CACNA1G: variants seen among roughly 807,000 people sequenced by gnomAD.
The protein encoded by CACNA1G is calcium voltage-gated channel subunit alpha1 G.
Under a neutral mutation model 219.4 loss-of-function variants are expected in CACNA1G, and 67 were observed. That is an observed-to-expected ratio of 0.31 (90% CI 0.25 to 0.37). The LOEUF is 0.37. Ranked by LOEUF, CACNA1G falls within the 10% of genes least tolerant of loss-of-function variation. The pLI is 1.00. For synonymous variants in CACNA1G, 1,296 were observed against 1,345.3 expected, an observed-to-expected ratio of 0.96 and a Z score of 0.80; for missense variants, 2,380 against 3,231.4, an observed-to-expected ratio of 0.74 and a Z score of 6.39.
In CACNA1G at chr17:50,575,694, G is replaced by A. The variant is rs1365196916; in HGVS notation, c.1292G>A (p.Ser431Asn). The A allele has an allele frequency of 6.8e-6, 11 of 1,608,780 alleles. No individual in the cohort carries two copies. Among genetic ancestry groups the A allele is most frequent in the Non-Finnish European group, 9.3e-6 (11 of 1,177,654 alleles). ...CTGGCTAGCTTCTCTGAGCCCGGCA[G>A]CTGCTATGAGGAGCTGCTCAAGTAC... ...STLASFSEPG[S>N]CYEELLKYLV... The change falls in exon 8 of 38, where the codon AGC (serine) becomes AAC (asparagine). Residue 431 changes from serine to asparagine, a missense_variant. This residue lies in a region of CACNA1G where 72 missense variants were observed against 175.8 expected (regional missense o/e 0.41). Coordinates refer to ENST00000359106, the MANE Select transcript of CACNA1G (RefSeq NM_018896.5).
chr17:50,606,429 A>C (rs2047982624), intron 23 of CACNA1G: 1 of 594,838 alleles, frequency 1.7e-6, no homozygotes. Flanking sequence ...AGTTTCATTA[A>C]CTGGTGAATG....
At chr17:50,594,403 G>A (rs1008363426) in intron 13 of CACNA1G, among the ~76,000 whole-genome samples, 5 of 152,194 alleles carry the variant, frequency 3.3e-5, no homozygotes, top group African/African-American at 4.8e-5. Context: ...AGCATGAGAC[G>A]TTATGAGGCC....
Position 50,626,309 on chromosome 17 carries a change from C to T in CACNA1G, c.6692C>T (p.Pro2231Leu). Residue 2231 changes from proline (P) to leucine (L), a missense_variant, in exon 38 of 38, where the codon CCT becomes CTT. By Grantham distance (98) the Pro-to-Leu change is moderately conservative (BLOSUM62 -3). Around this residue, in one of 17 missense-constraint regions of CACNA1G, gnomAD observed 672 missense variants for 670.5 expected, o/e 1.00. Transcript: ENST00000359106. This position sits in a 1 kb window ranked among gnomAD's most constrained non-coding sequence, Gnocchi z 4.3. ...TGGATTTCAGGAGACCTCCTGCCCC[C>T]TGGCGGCCAGGAGGAGCCCCCATCC... ...LSWISGDLLP[P>L]GGQEEPPSPR... 1 of 1,613,438 alleles carries T rather than the reference C, an allele frequency of 6.2e-7. No homozygotes were observed. Among genetic ancestry groups the T allele is most frequent in the South Asian group, 1.1e-5 (1 of 91,086 alleles).
Position 50,594,987 on chromosome 17 carries a change from C to T in CACNA1G, c.2911-6C>T, listed in dbSNP as rs1265155099. 1.3e-6 allele frequency: 2 copies of T among 1,552,784 alleles called. No homozygotes were observed. Among genetic ancestry groups the T allele is most frequent in the Non-Finnish European group, 1.7e-6 (2 of 1,147,700 alleles). On this transcript the variant is annotated splice_polypyrimidine_tract_variant and splice_region_variant and intron_variant, in intron 13 of 37. Coordinates refer to ENST00000359106, the MANE Select transcript of CACNA1G (RefSeq NM_018896.5). ...AGCCCTCCCCTGCCTCCCCCTTTCC[C>T]TGTAGGAAATCAGCAAACGGGAAGA...
In CACNA1G at chr17:50,599,444, C is replaced by T; in HGVS notation, c.3275C>T (p.Ser1092Phe). Reference protein sequence around the residue: ...EMKSPPSARSSPHSPWSAASS... With the variant: ...EMKSPPSARSFPHSPWSAASS... ...CACCCACAGCCCAGCGCCCGCAGCT[C>T]TCCGCACAGCCCCTGGAGCGCTGCA... The change falls in exon 17 of 38, where the codon TCT (serine) becomes TTT (phenylalanine). Residue 1092 changes from serine (S) to phenylalanine (F), a missense_variant. Transcript: ENST00000359106. 6.4e-7 allele frequency: 1 copy of T among 1,556,978 alleles called. No homozygotes were observed. Among genetic ancestry groups the T allele is most frequent in the Non-Finnish European group, 8.7e-7 (1 of 1,152,098 alleles).
intron 1 of CACNA1G, among the ~76,000 whole-genome samples, chr17:50,567,727 C>A (rs759398607): frequency 8.7e-4 from 133 of 152,140 alleles, no homozygotes; most frequent in Non-Finnish European, 1.7e-3. Context: ...CTCATATTTT[C>A]CTTAAAGAAA....
rs3986415 is a variant in CACNA1G, at chr17:50,624,955, C to CTTTTT, written c.6399+442_6399+446dup. On this transcript the variant is annotated intron_variant, in intron 37 of 37. Transcript: ENST00000359106. ...GGGCCCACCTTCCAGAGCCCAGATT[C>CTTTTT]TTTTTTTTTTTTTTTTTTTTGAGTT... 2.0e-4 allele frequency among the ~76,000 whole-genome samples: 24 copies of CTTTTT among 117,486 alleles called. 1 individual carries two copies. Among genetic ancestry groups the CTTTTT allele is most frequent in the African/African-American group, 3.7e-4 (11 of 29,764 alleles). The allele number at this position is 117,486 out of a possible 152,430, so 77.1% of individuals were successfully genotyped here.
chr17:50,615,521 G>T lies in CACNA1G; in HGVS notation c.4911+9G>T, dbSNP rs767965629. On this transcript the variant is annotated intron_variant, in intron 27 of 37. Coordinates refer to ENST00000359106, the MANE Select transcript of CACNA1G (RefSeq NM_018896.5). ...ACTACCAGCAGCCCCAGGTAGGAGCGAGTGGACCAGCCATCTGGCCCCCCC... is the reference window on the plus strand; with the variant it reads ...ACTACCAGCAGCCCCAGGTAGGAGCTAGTGGACCAGCCATCTGGCCCCCCC... The T allele has an allele frequency of 5.6e-6, 9 of 1,610,646 alleles. No individual in the cohort carries two copies. In the Admixed American group the frequency reaches 1.2e-4, roughly 21 times the overall value.
At chr17:50,625,290 G>A (rs2053461541) in intron 37 of CACNA1G, among the ~76,000 whole-genome samples, 1 of 152,244 alleles carries the variant, frequency 6.6e-6, no homozygotes, top group Admixed American at 6.5e-5. Context: ...CCCATGCCAT[G>A]TGTGTGTCCT....
rs753629595 is a variant in CACNA1G at position 50,626,581 on chromosome 17, C to T, written c.6964C>T (p.Arg2322Trp). The T allele has an allele frequency of 1.5e-5, 24 of 1,606,590 alleles. No homozygotes were observed. The highest frequency in any genetic ancestry group is 1.9e-5 in the Non-Finnish European group (22 of 1,176,772). The change falls in exon 38 of 38, where the codon CGG becomes TGG. Residue 2322 changes from arginine (R) to tryptophan (W), a missense_variant. Arg to Trp is a moderately radical substitution (Grantham distance 101). Transcript: ENST00000359106. The surrounding 1 kb of genome is among the most constrained non-coding windows in gnomAD (Gnocchi z 4.3). ...TIDPPESQGPRTPPSPGICLR... is the reference protein window; with the variant it reads ...TIDPPESQGPWTPPSPGICLR... ...AGACCCCCCCGAGAGCCAAGGTCCT[C>T]GGACCCCGCCCAGCCCTGGTATCTG...
At chr17:50,619,212 G>A (rs2051195633) in intron 33 of CACNA1G, among the ~76,000 whole-genome samples, 1 of 152,214 alleles carries the variant, frequency 6.6e-6, no homozygotes, top group Non-Finnish European at 1.5e-5. Context: ...CACCCCAGCA[G>A]ACGGGCCAGC....
At position 50,575,640 on chromosome 17, in the gene CACNA1G, G is replaced by A. The variant is rs763098527; in HGVS notation, c.1238G>A (p.Arg413His). 28 of 1,613,652 alleles carry A rather than the reference G, an allele frequency of 1.7e-5. No individual in the cohort carries two copies. Among genetic ancestry groups the A allele is most frequent in the East Asian group, 2.2e-5 (1 of 44,894 alleles). The change falls in exon 8 of 38, where the codon CGT becomes CAT. Residue 413 changes from arginine to histidine, a missense_variant. Around this residue, in one of 17 missense-constraint regions of CACNA1G, gnomAD observed 72 missense variants for 175.8 expected, o/e 0.41. Coordinates refer to ENST00000359106, the MANE Select transcript of CACNA1G (RefSeq NM_018896.5). ...QRESQLMREQ[R>H]VRFLSNASTL... ...GAAAGCCAGCTGATGCGGGAGCAGC[G>A]TGTGCGGTTCCTGTCCAACGCCAGC... is the stretch of plus-strand genomic sequence containing the variant.
In CACNA1G at chr17:50,591,482, G is replaced by C; in HGVS notation, c.2501G>C (p.Arg834Pro). The change falls in exon 11 of 38, where the codon CGG (arginine) becomes CCG (proline). Residue 834 changes from arginine to proline, a missense_variant. Physicochemically the swap from Arg to Pro is moderately radical, Grantham distance 103. Around this residue, in one of 17 missense-constraint regions of CACNA1G, gnomAD observed 82 missense variants for 140.7 expected, o/e 0.58. Coordinates refer to ENST00000359106, the MANE Select transcript of CACNA1G (RefSeq NM_018896.5). ...CAGGGGGGCGGCCTGTCGGTGCTGC[G>C]GACCTTCCGCCTGATGCGTGTGCTG... is the stretch of plus-strand genomic sequence containing the variant. ...GQQGGGLSVL[R>P]TFRLMRVLKL... The C allele has an allele frequency of 6.2e-7, 1 of 1,603,670 alleles. No individual in the cohort carries two copies. Among genetic ancestry groups the C allele is most frequent in the Non-Finnish European group, 8.5e-7 (1 of 1,175,594 alleles).
chr17:50,609,700 C>T (rs1474703544), intron 25 of CACNA1G, among the ~76,000 whole-genome samples, 182 bp from the exon 26 acceptor site: 1 of 152,210 alleles, frequency 6.6e-6, no homozygotes, highest in African/African-American at 2.4e-5. Flanking sequence ...CATTGCTTGT[C>T]TTCCTCAAGT....
At chr17:50,593,880 G>A (rs1328761149) in intron 13 of CACNA1G, among the ~76,000 whole-genome samples, 3 of 152,232 alleles carry the variant, frequency 2.0e-5, no homozygotes, top group African/African-American at 7.2e-5. Context: ...TGCATGTGGT[G>A]GGCAGGGCTG....
In CACNA1G at chr17:50,589,105, C is replaced by A. The variant is rs570564476; in HGVS notation, c.2302-1366C>A. Among the ~76,000 whole-genome samples the A allele has an allele frequency of 4.6e-5, 7 of 152,310 alleles. No individual in the cohort carries two copies. The South Asian group carries it at 1.5e-3, about 32-fold the overall frequency. ...GGCCTCTGCCCTCCAGGCCAGACACCTAGTTTGTCCAGACATCCATCAGGT... is the reference window on the plus strand; with the variant it reads ...GGCCTCTGCCCTCCAGGCCAGACACATAGTTTGTCCAGACATCCATCAGGT... On this transcript the variant is annotated intron_variant, in intron 9 of 37. Coordinates refer to ENST00000359106, the MANE Select transcript of CACNA1G (RefSeq NM_018896.5).
chr17:50,611,732 AC>A (rs1024933879), intron 26 of CACNA1G, among the ~76,000 whole-genome samples: 6 of 152,060 alleles, frequency 3.9e-5, no homozygotes, highest in African/African-American at 1.4e-4. Flanking sequence ...TTTCACACTC[AC>A]CCCAAAACAT....
intron 9 of CACNA1G, among the ~76,000 whole-genome samples, chr17:50,588,956 C>T (rs1311575281): frequency 6.6e-6 from 1 of 152,230 alleles, no homozygotes; most frequent in Non-Finnish European, 1.5e-5. Flanking sequence ...TCAGGCCTGG[C>T]TGCAGGCTTG....
Position 50,621,631 on chromosome 17 carries a change from C to G in CACNA1G, c.5926-29C>G, listed in dbSNP as rs1268716345. On this transcript the variant is annotated intron_variant, in intron 34 of 37. Transcript: ENST00000359106. The surrounding 1 kb of genome is among the most constrained non-coding windows in gnomAD (Gnocchi z 4.6). ...GCGCGTGTGCGCTGTCCTGGTTTCT[C>G]ATGCCTGATCATCTCTCTCCCTGTC... The G allele has an allele frequency of 6.2e-7, 1 of 1,610,954 alleles. No homozygotes were observed. The highest frequency in any genetic ancestry group is 8.5e-7 in the Non-Finnish European group (1 of 1,177,894).
Sources: allele counts gnomAD v4.1 joint callset (sites outside exome capture counted in the v4.1 genomes callset), GRCh38; gene constraint gnomAD v4.1.1; regional missense constraint gnomAD v4.1.1; non-coding constraint Gnocchi (gnomAD v3.1); transcripts MANE v1.5; gene names NCBI Gene and HGNC (gene_info 2026-07-23, HGNC 2026-07-21).